RNF112: variants seen among roughly 807,000 people sequenced by gnomAD.
RNF112 encodes the protein brain finger protein.
RNF112 carries 34 observed loss-of-function variants against 64.7 expected under a neutral mutation model. The observed-to-expected ratio is 0.53, with a 90% CI of 0.40 to 0.70. The LOEUF (loss-of-function observed/expected upper bound fraction) is 0.70. Among genes scored for constraint, RNF112 ranks in the 30% least tolerant of loss-of-function variants. The pLI, the probability that RNF112 is intolerant of heterozygous loss-of-function variation, is 0.00. For missense variants in RNF112, 734 were observed against 850.0 expected (o/e 0.86, Z 1.70); for synonymous variants, 345 against 344.5 (o/e 1.00, Z -0.02).
Position 19,412,387 on chromosome 17 carries a change from G to A in RNF112, c.96-111G>A. 1 of 1,197,724 alleles carries A rather than the reference G, an allele frequency of 8.3e-7. No individual in the cohort carries two copies. The highest frequency in any genetic ancestry group is 1.2e-6 in the Non-Finnish European group (1 of 866,372). The allele number at this position is 1,197,724 out of a possible 1,614,324, so 74.2% of individuals were successfully genotyped here. A position where few individuals can be genotyped will look rare whatever the true frequency, so the allele number is the denominator to read the frequency against. On this transcript the variant is annotated intron_variant, in intron 2 of 13. Transcript: ENST00000461366. This position sits in a 1 kb window ranked among gnomAD's most constrained non-coding sequence, Gnocchi z 5.1. ...TGGAGGCACTGATGGAAATTGGGTT[G>A]GCACAAAGGGACCTCCACTCCCAAG...
Position 19,412,505 on chromosome 17 carries a change from A to G in RNF112, c.103A>G (p.Thr35Ala), listed in dbSNP as rs971699695. 38 of 1,612,624 alleles carry G rather than the reference A, an allele frequency of 2.4e-5. No homozygotes were observed. The highest frequency in any genetic ancestry group is 3.1e-5 in the Non-Finnish European group (37 of 1,179,540). ...MGNSGNSWSH[T>A]PFPKLELGLG... ...GCCTGTTTTGCCCCACAGGTCCCATACACCTTTCCCCAAGTTGGAGCTAGG... is the reference window on the plus strand; with the variant it reads ...GCCTGTTTTGCCCCACAGGTCCCATGCACCTTTCCCCAAGTTGGAGCTAGG... Residue 35 changes from threonine to alanine, a missense_variant, in exon 3 of 14, where the codon ACA becomes GCA. Transcript: ENST00000461366. This position sits in a 1 kb window ranked among gnomAD's most constrained non-coding sequence, Gnocchi z 5.1.
Position 19,416,399 on chromosome 17 carries a change from C to G in RNF112, c.*224C>G. 1.9e-6 allele frequency: 1 copy of G among 520,074 alleles called. No individual in the cohort carries two copies. The highest frequency in any genetic ancestry group is 2.8e-5 in the South Asian group (1 of 35,304). The allele number at this position is 520,074 out of a possible 1,614,324, so 32.2% of individuals were successfully genotyped here. A position where few individuals can be genotyped will look rare whatever the true frequency, so the allele number is the denominator to read the frequency against. ...AGTGGATAGAACACCCGGCCTGTTT[C>G]TGGTTGCAGATGGTTGCCGATCTGC... On this transcript the variant is annotated 3_prime_UTR_variant, in exon 14 of 14. Coordinates refer to ENST00000461366, the MANE Select transcript of RNF112 (RefSeq NM_007148.5).
Position 19,415,571 on chromosome 17 carries a change from C to G in RNF112, c.1404C>G (p.Phe468Leu), listed in dbSNP as rs116047884. The G allele has an allele frequency of 4.3e-6, 7 of 1,612,608 alleles. No homozygotes were observed. The highest frequency in any genetic ancestry group is 5.9e-6 in the Non-Finnish European group (7 of 1,179,462). Reference sequence around the variant, plus strand: ...AGGTGGAAGCTGCCAAGAGGGAGTTCGAGGAGTATGTGAGGCAGCAGGTGA... The same window carrying G: ...AGGTGGAAGCTGCCAAGAGGGAGTTGGAGGAGTATGTGAGGCAGCAGGTGA... ...LRKVEAAKRE[F>L]EEYVRQQDVA... Residue 468 changes from phenylalanine (F) to leucine (L), a missense_variant, in exon 13 of 14, where the codon TTC becomes TTG. Physicochemically the swap from Phe to Leu is conservative, Grantham distance 22 (BLOSUM62 0). Coordinates refer to ENST00000461366, the MANE Select transcript of RNF112 (RefSeq NM_007148.5). This position sits in a 1 kb window ranked among gnomAD's most constrained non-coding sequence, Gnocchi z 7.8.
In RNF112 at chr17:19,414,651, C is replaced by T. The variant is rs1186853567; in HGVS notation, c.999C>T (p.Asn333=). 1.2e-6 allele frequency: 2 copies of T among 1,612,422 alleles called. No homozygotes were observed. Residue 333 remains asparagine, a synonymous_variant, in exon 9 of 14, where the codon AAC becomes AAT. Coordinates refer to ENST00000461366, the MANE Select transcript of RNF112 (RefSeq NM_007148.5). ...PNKAGQGHVG[N]IFQRLSGRYP... is the part of the protein sequence containing the mutation. The stretch of plus-strand genomic sequence containing the variant: ...AGGCAGGGCAGGGGCATGTAGGCAA[C>T]ATCTTCCAGGTGAGTGGTGCAAGGG...
rs1567937155 is a variant in RNF112, at chr17:19,415,693, TC to T, written c.1426-9del. On this transcript the variant is annotated splice_polypyrimidine_tract_variant and intron_variant, in intron 13 of 13. Transcript: ENST00000461366. This position sits in a 1 kb window ranked among gnomAD's most constrained non-coding sequence, Gnocchi z 7.8. The stretch of plus-strand genomic sequence containing the variant: ...CTGGTCAGGGCACCTTCTTTTCCCC[TC>T]CCTGTCACAGGACGTAGCCACCAAG... The T allele has an allele frequency of 6.2e-7, 1 of 1,602,252 alleles. No individual in the cohort carries two copies. The highest frequency in any genetic ancestry group is 2.2e-5 in the East Asian group (1 of 44,698).
chr17:19,411,679 C>T lies in RNF112; in HGVS notation c.95+9C>T. 1 of 1,578,552 alleles carries T rather than the reference C, an allele frequency of 6.3e-7. No individual in the cohort carries two copies. The highest frequency in any genetic ancestry group is 8.6e-7 in the Non-Finnish European group (1 of 1,162,818). ...AACAGCGGCAACAGTTGGTAAGTAG[C>T]AGGGCCTTCCAGGCTGGGATGGGTG... On this transcript the variant is annotated intron_variant, in intron 2 of 13. Coordinates refer to ENST00000461366, the MANE Select transcript of RNF112 (RefSeq NM_007148.5).
Position 19,412,935 on chromosome 17 carries a change from C to T in RNF112, c.382-3C>T. On this transcript the variant is annotated splice_region_variant and splice_polypyrimidine_tract_variant and intron_variant, in intron 3 of 13. Transcript: ENST00000461366. This position sits in a 1 kb window ranked among gnomAD's most constrained non-coding sequence, Gnocchi z 5.1. Reference sequence around the variant, plus strand: ...CAGGGGCCCCTCTCTTCTCCTGGCCCAGGAGACGTGTCCTGTGAGGGCGGA... The same window carrying T: ...CAGGGGCCCCTCTCTTCTCCTGGCCTAGGAGACGTGTCCTGTGAGGGCGGA... The T allele has an allele frequency of 6.3e-7, 1 of 1,582,002 alleles. No homozygotes were observed. Among genetic ancestry groups the T allele is most frequent in the Admixed American group, 1.8e-5 (1 of 55,168 alleles).
rs563237732 is a variant in RNF112, at chr17:19,412,608, C to T, written c.206C>T (p.Ser69Leu). The part of the protein sequence containing the change: ...ICLERLRDPI[S>L]LDCGHDFCIR... The stretch of plus-strand genomic sequence containing the variant: ...CTGGAGAGGTTGCGCGACCCCATCT[C>T]GCTGGACTGTGGCCACGACTTCTGC... Residue 69 changes from serine to leucine, a missense_variant, in exon 3 of 14, where the codon TCG (serine) becomes TTG (leucine). Coordinates refer to ENST00000461366, the MANE Select transcript of RNF112 (RefSeq NM_007148.5). The surrounding 1 kb of genome is among the most constrained non-coding windows in gnomAD (Gnocchi z 5.1). The T allele has an allele frequency of 1.2e-5, 20 of 1,613,488 alleles. No homozygotes were observed. The East Asian group carries it at 1.3e-4, about 11-fold the overall frequency.
rs768430081 is a variant in RNF112 at position 19,415,626 on chromosome 17, G to A, written c.1425+34G>A. Reference sequence around the variant, plus strand: ...CGGGGCTGCACGGGAGGCAGGTGTGGGCCGGGCAGGGTCCAGATCAGGGAG... The same window carrying A: ...CGGGGCTGCACGGGAGGCAGGTGTGAGCCGGGCAGGGTCCAGATCAGGGAG... On this transcript the variant is annotated intron_variant, in intron 13 of 13. Transcript: ENST00000461366. The surrounding 1 kb of genome is among the most constrained non-coding windows in gnomAD (Gnocchi z 7.8). The A allele has an allele frequency of 6.2e-7, 1 of 1,607,810 alleles. No individual in the cohort carries two copies. The highest frequency in any genetic ancestry group is 1.1e-5 in the South Asian group (1 of 90,024).
At chr17:19,411,485 G>T (rs200895997) in intron 1 of RNF112, 23 bp downstream of exon 1, 3 of 1,608,890 alleles carry the variant, frequency 1.9e-6, no homozygotes, top group African/African-American at 2.7e-5. Flanking sequence ...TCCTAAGATC[G>T]GGAAGGAGAG....
chr17:19,412,414 C>T lies in RNF112; in HGVS notation c.96-84C>T. The T allele has an allele frequency of 6.9e-7, 1 of 1,442,634 alleles. No individual in the cohort carries two copies. Among genetic ancestry groups the T allele is most frequent in the Non-Finnish European group, 9.4e-7 (1 of 1,065,608 alleles). The allele number at this position is 1,442,634 out of a possible 1,614,324, so 89.4% of individuals were successfully genotyped here. A position where few individuals can be genotyped will look rare whatever the true frequency, so the allele number is the denominator to read the frequency against. ...CACAAAGGGACCTCCACTCCCAAGC[C>T]ATCAGTCTTCCACCACAACCCTGGC... is the stretch of plus-strand genomic sequence containing the variant. On this transcript the variant is annotated intron_variant, in intron 2 of 13. Coordinates refer to ENST00000461366, the MANE Select transcript of RNF112 (RefSeq NM_007148.5). The surrounding 1 kb of genome is among the most constrained non-coding windows in gnomAD (Gnocchi z 5.1).
In RNF112 at chr17:19,413,683, T is replaced by A; in HGVS notation, c.825+2T>A. On this transcript the variant is annotated splice_donor_variant, in intron 6 of 13. Transcript: ENST00000461366. LOFTEE classifies it high-confidence loss of function. This position sits in a 1 kb window ranked among gnomAD's most constrained non-coding sequence, Gnocchi z 5.9. ...ACCACGATGCTGAGCTCCTACCAGG[T>A]GATGGGGGGCGCTGATGTTGGCATC... 1.9e-6 allele frequency: 3 copies of A among 1,601,826 alleles called. No individual in the cohort carries two copies. Among genetic ancestry groups the A allele is most frequent in the Non-Finnish European group, 2.6e-6 (3 of 1,173,518 alleles).
Position 19,413,773 on chromosome 17 carries a change from G to A in RNF112, c.825+92G>A. On this transcript the variant is annotated intron_variant, in intron 6 of 13. Transcript: ENST00000461366. This position sits in a 1 kb window ranked among gnomAD's most constrained non-coding sequence, Gnocchi z 5.9. ...GCCAGAGCATCTCACAGGCTTTGGT[G>A]TCTGGGGTCCTGATAGGTTCTGGGG... is the stretch of plus-strand genomic sequence containing the variant. The A allele has an allele frequency of 3.0e-6, 3 of 997,672 alleles. No homozygotes were observed. The highest frequency in any genetic ancestry group is 4.4e-6 in the Non-Finnish European group (3 of 674,824). 61.8% of individuals were successfully genotyped at this position (997,672 alleles called of 1,614,324 possible).
In RNF112 at chr17:19,416,302, C is replaced by A; in HGVS notation, c.*127C>A. Reference sequence around the variant, plus strand: ...TGTACTGCACTGCCCTGGTCGAATGCTCGGTGTCTGGGTGGCAGCTGAGCT... The same window carrying A: ...TGTACTGCACTGCCCTGGTCGAATGATCGGTGTCTGGGTGGCAGCTGAGCT... On this transcript the variant is annotated 3_prime_UTR_variant, in exon 14 of 14. Coordinates refer to ENST00000461366, the MANE Select transcript of RNF112 (RefSeq NM_007148.5). 2 of 905,086 alleles carry A rather than the reference C, an allele frequency of 2.2e-6. No homozygotes were observed. The highest frequency in any genetic ancestry group is 3.2e-6 in the Non-Finnish European group (2 of 624,838). 56.1% of individuals were successfully genotyped at this position (905,086 alleles called of 1,614,324 possible).
Position 19,411,449 on chromosome 17 carries a change from G to C in RNF112, c.41G>C (p.Arg14Pro). 6.2e-7 allele frequency: 1 copy of C among 1,612,162 alleles called. No individual in the cohort carries two copies. The highest frequency in any genetic ancestry group is 1.3e-5 in the African/African-American group (1 of 74,734). The change falls in exon 1 of 14, where the codon CGG becomes CCG. Residue 14 changes from arginine to proline, a missense_variant. Physicochemically the swap from Arg to Pro is moderately radical, Grantham distance 103. Coordinates refer to ENST00000461366, the MANE Select transcript of RNF112 (RefSeq NM_007148.5). The stretch of plus-strand genomic sequence containing the variant: ...TTGTCAGTCACTTCCTTTTGTCATC[G>C]GCTTGGCAAACGGGCAAGTCTTCAG... ...PALSVTSFCH[R>P]LGKRERKQSF...
chr17:19,415,146 G>A lies in RNF112; in HGVS notation c.1235G>A (p.Arg412His), dbSNP rs1913825852. Residue 412 changes from arginine to histidine, a missense_variant, in exon 11 of 14, where the codon CGC (arginine) becomes CAC (histidine). By Grantham distance (29) the Arg-to-His change is conservative. Coordinates refer to ENST00000461366, the MANE Select transcript of RNF112 (RefSeq NM_007148.5). This position sits in a 1 kb window ranked among gnomAD's most constrained non-coding sequence, Gnocchi z 7.8. ...TGCCAGGGGTACTGGAACGAGGGGCGCGCCGTGGCCAGGGGGGACAGACGC... is the reference window on the plus strand; with the variant it reads ...TGCCAGGGGTACTGGAACGAGGGGCACGCCGTGGCCAGGGGGGACAGACGC... The part of the protein sequence containing the change: ...SRCQGYWNEG[R>H]AVARGDRRLL... The A allele has an allele frequency of 5.0e-6, 8 of 1,609,802 alleles. No individual in the cohort carries two copies. Among genetic ancestry groups the A allele is most frequent in the Non-Finnish European group, 6.8e-6 (8 of 1,179,044 alleles).
rs1040379445 is a variant in RNF112, at chr17:19,415,189, G to A, written c.1278G>A (p.Gln426=). ...RGDRRLLTGQ[Q]LAQEIKNLSG... ...ACAGACGCCTACTCACGGGGCAGCA[G>A]CTAGCTCAGGAAATCAAGGTGTGAA... Residue 426 remains glutamine (Q), a synonymous_variant, in exon 11 of 14, where the codon CAG becomes CAA. Coordinates refer to ENST00000461366, the MANE Select transcript of RNF112 (RefSeq NM_007148.5). The surrounding 1 kb of genome is among the most constrained non-coding windows in gnomAD (Gnocchi z 7.8). 1.2e-6 allele frequency: 2 copies of A among 1,606,272 alleles called. No individual in the cohort carries two copies. The highest frequency in any genetic ancestry group is 2.7e-5 in the African/African-American group (2 of 74,332).
Position 19,415,755 on chromosome 17 carries a change from C to G in RNF112, c.1476C>G (p.Thr492=). 6.2e-7 allele frequency: 1 copy of G among 1,613,388 alleles called. No individual in the cohort carries two copies. The highest frequency in any genetic ancestry group is 8.5e-7 in the Non-Finnish European group (1 of 1,179,746). ...IFSALRVLPD[T]MRNLLSTQKD... is the part of the protein sequence containing the mutation. ...CTGCGCTGCGGGTCCTGCCAGACAC[C>G]ATGCGGAACCTCCTCTCCACCCAGA... is the stretch of plus-strand genomic sequence containing the variant. The change falls in exon 14 of 14, where the codon ACC becomes ACG. Residue 492 remains threonine (T), a synonymous_variant. Coordinates refer to ENST00000461366, the MANE Select transcript of RNF112 (RefSeq NM_007148.5). The surrounding 1 kb of genome is among the most constrained non-coding windows in gnomAD (Gnocchi z 7.8).
Position 19,415,255 on chromosome 17 carries a change from C to T in RNF112, c.1297-31C>T, listed in dbSNP as rs1356366276. ...CAGGCGACTCGGCTGGGCCCCTGCT[C>T]TCCCTGACCCCAGCGATGGTATCTC... On this transcript the variant is annotated intron_variant, in intron 11 of 13. Coordinates refer to ENST00000461366, the MANE Select transcript of RNF112 (RefSeq NM_007148.5). The surrounding 1 kb of genome is among the most constrained non-coding windows in gnomAD (Gnocchi z 7.8). 1 of 1,596,960 alleles carries T rather than the reference C, an allele frequency of 6.3e-7. No homozygotes were observed. Among genetic ancestry groups the T allele is most frequent in the East Asian group, 2.2e-5 (1 of 44,818 alleles).
Sources: gnomAD v4.1 joint callset for allele counts on GRCh38, gnomAD v4.1.1 for gene constraint, Gnocchi (gnomAD v3.1) non-coding constraint, MANE v1.5 for transcripts, NCBI Gene and HGNC (gene_info 2026-07-23, HGNC 2026-07-21) for gene names.